Variants in TMBIM6 observed in about 807,000 individuals in gnomAD.
TMBIM6 encodes the protein bax inhibitor 1.
A neutral mutation model predicts 31.4 loss-of-function variants in TMBIM6; 13 were observed. That is an observed-to-expected ratio of 0.41 (90% CI 0.27 to 0.66). TMBIM6 has a LOEUF of 0.66. Among genes scored for constraint, TMBIM6 ranks in the 30% least tolerant of loss-of-function variants. TMBIM6 has a pLI of 0.28. For synonymous variants in TMBIM6, 85 were observed against 101.7 expected (o/e 0.84, Z 0.99); for missense variants, 275 against 289.5 (o/e 0.95, Z 0.36).
At chr12:49,755,386 A>C (rs1332769891) in intron 3 of TMBIM6, among the ~76,000 whole-genome samples, 12 of 152,148 alleles carry the variant, frequency 7.9e-5, no homozygotes, top group Admixed American at 7.9e-4. Context: ...GGGTAGTTGT[A>C]CTGTAGTTGA....
intron 3 of TMBIM6, among the ~76,000 whole-genome samples, chr12:49,754,726 AT>A (rs1945557220): frequency 6.6e-6 from 1 of 152,198 alleles, no homozygotes; most frequent in Non-Finnish European, 1.5e-5. Context: ...TCTAATGCCT[AT>A]AGTTTTTCCC....
Position 49,758,723 on chromosome 12 carries a change from C to T in TMBIM6, c.474C>T (p.Ser158=). Residue 158 remains serine (S), a synonymous_variant, in exon 7 of 10, where the codon TCC becomes TCT. Transcript: ENST00000267115. ...MSALSLLLLS[S]LGNVFFGSIW... ...CCCTGAGCTTGTTGCTTTTGTCTTC[C>T]CTGGGGAATGTTTTCTTTGGATCCA... 1 of 1,613,898 alleles carries T rather than the reference C, an allele frequency of 6.2e-7. No homozygotes were observed. Among genetic ancestry groups the T allele is most frequent in the Non-Finnish European group, 8.5e-7 (1 of 1,180,002 alleles).
In TMBIM6 at chr12:49,762,907, C is replaced by T. The variant is rs1232066179; in HGVS notation, c.*11C>T. On this transcript the variant is annotated 3_prime_UTR_variant, in exon 10 of 10. Transcript: ENST00000267115. Reference sequence around the variant, plus strand: ...AAAGAGAAGAAATGAAGTGACCATCCAGCCTTTCCCAATTAGACTTCCTCT... The same window carrying T: ...AAAGAGAAGAAATGAAGTGACCATCTAGCCTTTCCCAATTAGACTTCCTCT... 2.5e-6 allele frequency: 4 copies of T among 1,611,520 alleles called. No individual in the cohort carries two copies. The South Asian group carries it at 4.4e-5, about 18-fold the overall frequency.
chr12:49,747,789 C>A (rs1322799310), intron 1 of TMBIM6, among the ~76,000 whole-genome samples: 1 of 152,184 alleles, frequency 6.6e-6, no homozygotes, highest in Non-Finnish European at 1.5e-5. Context: ...AGAACGCATA[C>A]TAAATCCACG....
chr12:49,750,156 G>A (rs911511575), intron 1 of TMBIM6, among the ~76,000 whole-genome samples: 14 of 152,150 alleles, frequency 9.2e-5, no homozygotes, highest in African/African-American at 1.7e-4. Context: ...GAAAGAGGCA[G>A]TCAGTACCCC....
intron 8 of TMBIM6, among the ~76,000 whole-genome samples, chr12:49,760,421 A>AT (rs1945694159): frequency 6.7e-6 from 1 of 148,530 alleles, no homozygotes. Context: ...AGGCTAATTT[A>AT]TTTTTTGTAG....
intron 3 of TMBIM6, among the ~76,000 whole-genome samples, chr12:49,754,938 T>G (rs1407558484): frequency 6.6e-6 from 1 of 152,042 alleles, no homozygotes; most frequent in Non-Finnish European, 1.5e-5. Context: ...GGTGTTTTGG[T>G]GTTTGGGGGT....
intron 9 of TMBIM6, among the ~76,000 whole-genome samples, chr12:49,762,349 A>G (rs1565574848): frequency 1.3e-5 from 2 of 152,244 alleles, no homozygotes; most frequent in Non-Finnish European, 2.9e-5. Context: ...CAGATGTACA[A>G]GTTTCAGAAC....
chr12:49,758,685 A>G lies in TMBIM6; in HGVS notation c.436A>G (p.Ile146Val), dbSNP rs1157767387. 11 of 1,613,928 alleles carry G rather than the reference A, an allele frequency of 6.8e-6. No individual in the cohort carries two copies. Among genetic ancestry groups the G allele is most frequent in the Non-Finnish European group, 9.3e-6 (11 of 1,180,018 alleles). ...CAGCTTTTTGCTGTGTCTTATAGGT[A>G]TCTTGATGTCAGCCCTGAGCTTGTT... ...RRRSYLFLGG[I>V]LMSALSLLLL... Residue 146 changes from isoleucine to valine, a missense_variant and splice_region_variant, in exon 7 of 10, where the codon ATC (isoleucine) becomes GTC (valine). By Grantham distance (29) the Ile-to-Val change is conservative. Transcript: ENST00000267115.
At chr12:49,759,528 G>T (rs1040790248) in intron 8 of TMBIM6, among the ~76,000 whole-genome samples, 1 of 152,172 alleles carries the variant, frequency 6.6e-6, no homozygotes, top group Non-Finnish European at 1.5e-5. Context: ...TAATAGGCCA[G>T]GTGTGGTGGC....
chr12:49,748,116 C>T (rs1945430129), intron 1 of TMBIM6, among the ~76,000 whole-genome samples: 1 of 152,062 alleles, frequency 6.6e-6, no homozygotes, highest in African/African-American at 2.4e-5. Context: ...GTTGGCCAGG[C>T]TGGTCTCCAA....
chr12:49,755,354 A>G (rs1945569420), intron 3 of TMBIM6, among the ~76,000 whole-genome samples: 1 of 152,106 alleles, frequency 6.6e-6, no homozygotes, highest in South Asian at 2.1e-4. Flanking sequence ...TTTTTGGGCA[A>G]GACTCACTCA....
In TMBIM6 at chr12:49,764,719, AAAAG is replaced by A. The variant is rs878997390; in HGVS notation, c.*1831_*1834del. The A allele has an allele frequency of 3.8e-4, 54 of 141,298 alleles. No individual in the cohort carries two copies. The highest frequency in any genetic ancestry group is 1.3e-3 in the South Asian group (6 of 4,680). 8.8% of individuals were successfully genotyped at this position (141,298 alleles called of 1,614,324 possible). A position where few individuals can be genotyped will look rare whatever the true frequency, so the allele number is the denominator to read the frequency against. ...AAGAATGACAAGATATTAAAAAAAA[AAAAG>A]AAAGAAAAAAAAAAAAACACCTACT... On this transcript the variant is annotated 3_prime_UTR_variant, in exon 10 of 10. Coordinates refer to ENST00000267115, the MANE Select transcript of TMBIM6 (RefSeq NM_003217.3).
At chr12:49,741,676 G>C (rs1472136345) in intron 1 of TMBIM6, 65 bp downstream of exon 1, 1 of 195,808 alleles carries the variant, frequency 5.1e-6, no homozygotes, top group Non-Finnish European at 1.1e-5. Context: ...AGCAGTTACT[G>C]TCTGAGCAAG....
At chr12:49,742,390 TGTG>T (rs954214280) in intron 1 of TMBIM6, 1 of 1,389,802 alleles carries the variant, frequency 7.2e-7, no homozygotes, top group African/African-American at 1.5e-5. Context: ...TTGCTGGACC[TGTG>T]GTAACAAGTA....
chr12:49,753,308 G>T (rs1945530519), intron 3 of TMBIM6, among the ~76,000 whole-genome samples: 1 of 152,184 alleles, frequency 6.6e-6, no homozygotes, highest in Admixed American at 6.5e-5. Flanking sequence ...GCACTGAATG[G>T]TGTGCTGCTG....
In TMBIM6 at chr12:49,759,259, C is replaced by T. The variant is rs771055193; in HGVS notation, c.552C>T (p.Phe184=). ...LYVGLVVMCG[F]VLFDTQLIIE... ...TGGGACTGGTGGTCATGTGTGGCTT[C>T]GTCCTTTTTGATACTCAACTCATTA... Residue 184 remains phenylalanine (F), a synonymous_variant, in exon 8 of 10, where the codon TTC becomes TTT. Transcript: ENST00000267115. The T allele has an allele frequency of 1.3e-4, 202 of 1,613,902 alleles. No homozygotes were observed. The highest frequency in any genetic ancestry group is 1.6e-4 in the Non-Finnish European group (191 of 1,180,002).
At chr12:49,748,403 C>T (rs910431729) in intron 1 of TMBIM6, among the ~76,000 whole-genome samples, 5 of 152,202 alleles carry the variant, frequency 3.3e-5, no homozygotes, top group African/African-American at 1.2e-4. Context: ...AAGCAGACCA[C>T]AGGAATATCT....
chr12:49,759,209 T>TA lies in TMBIM6; in HGVS notation c.514-11dup, dbSNP rs993564705. The stretch of plus-strand genomic sequence containing the variant: ...TCTGCTGTATAGTAACTTCATCTCT[T>TA]ACATTTGTTAGGCAAACCTGTATGT... On this transcript the variant is annotated splice_polypyrimidine_tract_variant and intron_variant, in intron 7 of 9. Transcript: ENST00000267115. 1.2e-6 allele frequency: 2 copies of TA among 1,612,650 alleles called. No individual in the cohort carries two copies. The highest frequency in any genetic ancestry group is 1.7e-6 in the Non-Finnish European group (2 of 1,178,662).
Sources: gnomAD v4.1 joint callset for allele counts (sites outside exome capture counted in the v4.1 genomes callset) on GRCh38, gnomAD v4.1.1 for gene constraint, MANE v1.5 for transcripts, NCBI Gene and HGNC (gene_info 2026-07-23, HGNC 2026-07-21) for gene names.